GFRA1: variants seen among roughly 807,000 people sequenced by gnomAD.
The protein encoded by GFRA1 is GDNF family receptor alpha-1.
In GFRA1, 16 loss-of-function variants were observed where a neutral mutation model predicts 51.6. The ratio of observed to expected loss-of-function variants is 0.31; its 90% CI spans 0.21 to 0.47. GFRA1 has a LOEUF of 0.47. GFRA1 is among the 20% of genes least tolerant of loss of function. The pLI is 1.00. For synonymous variants in GFRA1, 270 were observed against 241.3 expected, an observed-to-expected ratio of 1.12 and a Z score of -1.10; for missense variants, 530 against 594.3, an observed-to-expected ratio of 0.89 and a Z score of 1.13.
At chr10:116,162,594 T>G (rs980340682) in intron 5 of GFRA1, among the ~76,000 whole-genome samples, 19 of 152,336 alleles carry the variant, frequency 1.2e-4, no homozygotes, top group African/African-American at 4.6e-4. Flanking sequence ...CACATACACA[T>G]GCACTTGGAC....
chr10:116,250,142 T>C (rs1968208207), intron 4 of GFRA1, among the ~76,000 whole-genome samples: 1 of 152,144 alleles, frequency 6.6e-6, no homozygotes, highest in African/African-American at 2.4e-5. Context: ...CTATGACCCA[T>C]CATGGGAAAT....
At chr10:116,244,052 G>A (rs903873199) in intron 4 of GFRA1, among the ~76,000 whole-genome samples, 2 of 151,980 alleles carry the variant, frequency 1.3e-5, no homozygotes, top group Admixed American at 6.6e-5. Context: ...CCCTATGTAG[G>A]AATACTAGAG....
intron 4 of GFRA1, among the ~76,000 whole-genome samples, chr10:116,216,395 G>A (rs529988070): frequency 6.6e-6 from 1 of 152,118 alleles, no homozygotes; most frequent in Non-Finnish European, 1.5e-5. Flanking sequence ...AGAACTGGAT[G>A]GCAGTCTTAT....
intron 5 of GFRA1, among the ~76,000 whole-genome samples, chr10:116,149,773 A>T (rs1029594524): frequency 2.0e-5 from 3 of 152,158 alleles, no homozygotes; most frequent in African/African-American, 4.8e-5. Flanking sequence ...CCAGTCCCTT[A>T]ATTCCTCAGG....
intron 5 of GFRA1, among the ~76,000 whole-genome samples, chr10:116,129,653 C>T (rs888050694): frequency 8.5e-5 from 13 of 152,144 alleles, no homozygotes; most frequent in African/African-American, 2.6e-4. Flanking sequence ...TCCTATACAT[C>T]TCTAAAGAAT....
At chr10:116,190,265 T>C (rs1173591460) in intron 5 of GFRA1, among the ~76,000 whole-genome samples, 1 of 152,180 alleles carries the variant, frequency 6.6e-6, no homozygotes, top group Admixed American at 6.5e-5. Context: ...ACAGAGCAGG[T>C]GTACTCAACA....
chr10:116,172,950 A>G (rs952729738), intron 5 of GFRA1, among the ~76,000 whole-genome samples: 3 of 152,214 alleles, frequency 2.0e-5, no homozygotes, highest in Admixed American at 1.3e-4. Flanking sequence ...ACCCAGAGGT[A>G]TAAGAATATA....
At position 116,120,149 on chromosome 10, in the gene GFRA1, C is replaced by A. The variant is rs182918672; in HGVS notation, c.770+5072G>T. Reference sequence around the variant, plus strand: ...ACAGAGAGTTGGACACCAGGAAGAACAAGTGTATCATATCTCCAGCAGGGT... The same window carrying A: ...ACAGAGAGTTGGACACCAGGAAGAAAAAGTGTATCATATCTCCAGCAGGGT... On this transcript the variant is annotated intron_variant, in intron 6 of 10. Coordinates refer to ENST00000355422, the MANE Select transcript of GFRA1 (RefSeq NM_005264.8). Among the ~76,000 whole-genome samples, 12 of 152,326 alleles carry A rather than the reference C, an allele frequency of 7.9e-5. 1 individual carries two copies. The highest frequency in any genetic ancestry group is 7.8e-4 in the Admixed American group (12 of 15,298).
At chr10:116,164,784 G>A (rs988830365) in intron 5 of GFRA1, among the ~76,000 whole-genome samples, 3 of 152,164 alleles carry the variant, frequency 2.0e-5, no homozygotes, top group Non-Finnish European at 2.9e-5. Flanking sequence ...TGCCTTTAGC[G>A]GAGTTTGAGC....
At chr10:116,244,781 A>G (rs1181595624) in intron 4 of GFRA1, among the ~76,000 whole-genome samples, 4 of 152,162 alleles carry the variant, frequency 2.6e-5, no homozygotes, top group Non-Finnish European at 5.9e-5. Context: ...GTAAAAGAAT[A>G]GAGAAGTATT....
intron 5 of GFRA1, among the ~76,000 whole-genome samples, chr10:116,209,137 C>T (rs772999951): frequency 1.1e-4 from 17 of 152,204 alleles, no homozygotes; most frequent in Non-Finnish European, 1.8e-4. Context: ...CAGAAAGAAG[C>T]TATAAAATGA....
At chr10:116,082,999 C>G (rs907804741) in intron 9 of GFRA1, among the ~76,000 whole-genome samples, 3 of 152,212 alleles carry the variant, frequency 2.0e-5, no homozygotes, top group Non-Finnish European at 4.4e-5. Flanking sequence ...CATACTTGCA[C>G]TGTTCTTTAT....
At position 116,062,172 on chromosome 10, in the gene GFRA1, C is replaced by A. The variant is rs191028011; in HGVS notation, c.*2226G>T. 1 of 398,508 alleles carries A rather than the reference C, an allele frequency of 2.5e-6. No homozygotes were observed. The highest frequency in any genetic ancestry group is 2.1e-5 in the African/African-American group (1 of 48,738). 24.7% of individuals were successfully genotyped at this position (398,508 alleles called of 1,614,324 possible). On this transcript the variant is annotated 3_prime_UTR_variant, in exon 11 of 11. Coordinates refer to ENST00000355422, the MANE Select transcript of GFRA1 (RefSeq NM_005264.8). ...ATGCTAATTAGAGCTGCTGTTACTGCAGAAGTAATCAGTAGCTTTCTACAG... is the reference window on the plus strand; with the variant it reads ...ATGCTAATTAGAGCTGCTGTTACTGAAGAAGTAATCAGTAGCTTTCTACAG...
chr10:116,196,471 G>A (rs899786527), intron 5 of GFRA1, among the ~76,000 whole-genome samples: 4 of 144,082 alleles, frequency 2.8e-5, no homozygotes, highest in African/African-American at 1.0e-4. Flanking sequence ...CCAGGGTGAT[G>A]GTGCGAGACT....
At chr10:116,262,364 C>CTT (rs1969358379) in intron 4 of GFRA1, among the ~76,000 whole-genome samples, 1 of 152,116 alleles carries the variant, frequency 6.6e-6, no homozygotes, top group Non-Finnish European at 1.5e-5. Flanking sequence ...ATTCATGGAC[C>CTT]TTCTTGAGGT....
chr10:116,257,457 G>A (rs1237896823), intron 4 of GFRA1, among the ~76,000 whole-genome samples: 1 of 152,128 alleles, frequency 6.6e-6, no homozygotes, highest in Non-Finnish European at 1.5e-5. Context: ...TCAAGAAGGT[G>A]CAACTGGAAG....
At chr10:116,088,663 G>A (rs1956197980) in intron 9 of GFRA1, among the ~76,000 whole-genome samples, 1 of 152,170 alleles carries the variant, frequency 6.6e-6, no homozygotes, top group South Asian at 2.1e-4. Context: ...GCACAAGCCT[G>A]TAATCCCAGC....
chr10:116,167,894 T>C (rs1424034883), intron 5 of GFRA1, among the ~76,000 whole-genome samples: 1 of 152,078 alleles, frequency 6.6e-6, no homozygotes, highest in Non-Finnish European at 1.5e-5. Flanking sequence ...TCCTGATTCA[T>C]GAAATTCTTA....
intron 7 of GFRA1, among the ~76,000 whole-genome samples, chr10:116,094,268 C>G (rs1392040537): frequency 6.6e-6 from 1 of 152,142 alleles, no homozygotes; most frequent in Non-Finnish European, 1.5e-5. Context: ...CAAATGGTTT[C>G]TTTAGAGTGA....
Sources: allele counts gnomAD v4.1 joint callset (sites outside exome capture counted in the v4.1 genomes callset), GRCh38; gene constraint gnomAD v4.1.1; transcripts MANE v1.5; gene names NCBI Gene and HGNC (gene_info 2026-07-23, HGNC 2026-07-21).